The following NCR1 variants were observed in gnomAD, a reference collection of about 807,000 sequenced individuals.
The protein encoded by NCR1 is NK cell-activating receptor.
Under a neutral mutation model 32.5 loss-of-function variants are expected in NCR1, and 30 were observed. The ratio of observed to expected loss-of-function variants is 0.92; its 90% CI spans 0.69 to 1.25. The LOEUF (loss-of-function observed/expected upper bound fraction) is 1.25, where lower values mean the gene tolerates loss of function less well. Ranked by LOEUF, NCR1 falls within the 50% of genes most tolerant of loss-of-function variation. The pLI is 0.00. For missense variants in NCR1, 369 were observed against 380.7 expected (o/e 0.97, Z 0.26); for synonymous variants, 169 against 143.4 (o/e 1.18, Z -1.28).
chr19:54,903,592 ATG>A (rs1302431850), upstream of NCR1, among the ~76,000 whole-genome samples: 1 of 149,066 alleles, frequency 6.7e-6, no homozygotes, highest in Non-Finnish European at 1.5e-5. Context: ...ATATACATGT[ATG>A]TGTATATATG....
the NCR1 span, among the ~76,000 whole-genome samples, chr19:54,937,231 A>G: frequency 6.6e-6 from 1 of 151,546 alleles, no homozygotes; most frequent in East Asian, 1.9e-4. Flanking sequence ...AAAAAAAAAA[A>G]GTCAAGAAGC....
chr19:54,908,250 AT>A (rs587669211), intron 3 of NCR1, among the ~76,000 whole-genome samples: 280 of 152,196 alleles, frequency 1.8e-3, no homozygotes, highest in African/African-American at 6.4e-3. Flanking sequence ...ACCGCCCTTA[AT>A]CCATTTAACC....
chr19:54,913,927 G>C (rs1248618698), downstream of NCR1, among the ~76,000 whole-genome samples: 1 of 152,060 alleles, frequency 6.6e-6, no homozygotes, highest in East Asian at 1.9e-4. Context: ...AATTAGCCAG[G>C]TATGGTGGCG....
chr19:54,935,471 G>T, the NCR1 span, among the ~76,000 whole-genome samples: 1 of 152,016 alleles, frequency 6.6e-6, no homozygotes, highest in African/African-American at 2.4e-5. Flanking sequence ...CGAGACAGGC[G>T]GATCACTTGA....
chr19:54,921,780 A>T, the NCR1 span, among the ~76,000 whole-genome samples: 1 of 150,556 alleles, frequency 6.6e-6, no homozygotes, highest in African/African-American at 2.4e-5. Context: ...CTCAAAAAAA[A>T]AAAAAAAAAA....
chr19:54,922,575 C>T, the NCR1 span, among the ~76,000 whole-genome samples: 3 of 151,598 alleles, frequency 2.0e-5, no homozygotes, highest in Non-Finnish European at 4.4e-5. Flanking sequence ...GTCAGGAGTC[C>T]GAGAACAGCC....
chr19:54,906,091 G>A, upstream of NCR1: 1 of 1,489,702 alleles, frequency 6.7e-7, no homozygotes, highest in Non-Finnish European at 9.3e-7. Context: ...TCTGGTGATG[G>A]GCGCTGGTGC....
intron 3 of NCR1, 83 bp downstream of exon 3, chr19:54,906,890 A>G (rs912144656): frequency 6.8e-7 from 1 of 1,474,516 alleles, no homozygotes; most frequent in African/African-American, 1.4e-5. Context: ...TCCAAGCCCC[A>G]CTCAGACACT....
the NCR1 span, among the ~76,000 whole-genome samples, chr19:54,935,405 T>C: frequency 6.6e-6 from 1 of 151,904 alleles, no homozygotes; most frequent in Non-Finnish European, 1.5e-5. Flanking sequence ...AAAATAAAAA[T>C]TTTATCCTGG....
At chr19:54,937,011 G>A in the NCR1 span, among the ~76,000 whole-genome samples, 2,577 of 152,112 alleles carry the variant, frequency 0.017, 30 homozygotes, top group Middle Eastern at 0.085. Context: ...GAGGTCAGGA[G>A]ATCAAGACCA....
At chr19:54,933,795 C>T in the NCR1 span, 13 of 1,472,494 alleles carry the variant, frequency 8.8e-6, no homozygotes, top group Non-Finnish European at 1.1e-5. Context: ...CAACTCCAAC[C>T]TGCTCAGTGA....
the NCR1 span, among the ~76,000 whole-genome samples, chr19:54,933,335 C>G: frequency 6.6e-6 from 1 of 152,044 alleles, no homozygotes; most frequent in African/African-American, 2.4e-5. Context: ...TTAGTACAGA[C>G]AGGGTTTCAC....
At chr19:54,930,435 C>A in the NCR1 span, 1 of 1,186,332 alleles carries the variant, frequency 8.4e-7, no homozygotes. Context: ...GCACTCCAGG[C>A]TGGGGGACAG....
chr19:54,900,154 G>A, the NCR1 span, among the ~76,000 whole-genome samples: 1 of 152,160 alleles, frequency 6.6e-6, no homozygotes, highest in Non-Finnish European at 1.5e-5. Flanking sequence ...TCCTAAGGAA[G>A]ATCCCCTGAT....
At chr19:54,935,421 C>G in the NCR1 span, among the ~76,000 whole-genome samples, 5 of 151,974 alleles carry the variant, frequency 3.3e-5, no homozygotes, top group Non-Finnish European at 7.4e-5. Flanking sequence ...CCTGGCCAGG[C>G]GCAGTGGTTC....
the NCR1 span, among the ~76,000 whole-genome samples, chr19:54,928,134 C>T: frequency 6.6e-6 from 1 of 152,036 alleles, no homozygotes; most frequent in African/African-American, 2.4e-5. Context: ...GCACAAGAAT[C>T]GCTTCAGCCT....
the NCR1 span, among the ~76,000 whole-genome samples, chr19:54,936,694 C>T: frequency 1.1e-4 from 17 of 151,942 alleles, no homozygotes; most frequent in Non-Finnish European, 2.2e-4. Flanking sequence ...GCAGGCAGAT[C>T]GCCTGAGGTC....
downstream of NCR1, among the ~76,000 whole-genome samples, chr19:54,919,291 C>T (rs1022154594): frequency 7.2e-5 from 11 of 151,994 alleles, no homozygotes; most frequent in African/African-American, 2.4e-4. Context: ...GTAGTGGCCC[C>T]GAATGTCTGG....
chr19:54,937,728 T>C, the NCR1 span, among the ~76,000 whole-genome samples: 1 of 151,650 alleles, frequency 6.6e-6, no homozygotes, highest in African/African-American at 2.4e-5. Context: ...TGAAAACCTG[T>C]CTGTGCTAAA....
Sources: gnomAD v4.1 joint callset for allele counts (sites outside exome capture counted in the v4.1 genomes callset) on GRCh38, gnomAD v4.1.1 for gene constraint, MANE v1.5 for transcripts, NCBI Gene and HGNC (gene_info 2026-07-23, HGNC 2026-07-21) for gene names.